Variants in GPHN observed in about 807,000 individuals in gnomAD.
The protein encoded by GPHN is gephyrin.
A neutral mutation model predicts 95.5 loss-of-function variants in GPHN; 17 were observed. That is an observed-to-expected ratio of 0.18 (90% CI 0.12 to 0.27). The LOEUF (loss-of-function observed/expected upper bound fraction) is 0.27. Ranked by LOEUF, GPHN falls within the 10% of genes least tolerant of loss-of-function variation. GPHN has a pLI of 1.00. For missense variants in GPHN, 660 were observed against 978.1 expected (o/e 0.67, Z 4.34); for synonymous variants, 320 against 322.5 (o/e 0.99, Z 0.08).
chr14:67,648,416 G>T, the GPHN span: 1 of 370,948 alleles, frequency 2.7e-6, no homozygotes, highest in East Asian at 4.2e-5. Context: ...GTAAAAAATT[G>T]TATATTTAAA....
At chr14:67,032,131 C>T (rs1036203452) in intron 10 of GPHN, among the ~76,000 whole-genome samples, 11 of 152,192 alleles carry the variant, frequency 7.2e-5, no homozygotes, top group African/African-American at 2.7e-4. Flanking sequence ...TCCAAGTCAG[C>T]ATAGCTTAGC....
intron 1 of GPHN, among the ~76,000 whole-genome samples, chr14:66,579,491 A>T (rs1595061722): frequency 6.6e-6 from 1 of 151,860 alleles, no homozygotes; most frequent in South Asian, 2.1e-4. Context: ...ACACAAATAG[A>T]CTGAAAGTGA....
At chr14:67,621,048 C>T in the GPHN span, 2 of 1,337,856 alleles carry the variant, frequency 1.5e-6, no homozygotes, top group African/African-American at 1.4e-5. Flanking sequence ...CCAGGGACTA[C>T]ACAGCTTTGT....
chr14:67,269,194 A>G, the GPHN span, among the ~76,000 whole-genome samples: 1 of 152,352 alleles, frequency 6.6e-6, no homozygotes, highest in East Asian at 1.9e-4. Context: ...TGTAGCATGT[A>G]TCACTACTTC....
chr14:66,595,162 T>G (rs2140738624), intron 1 of GPHN, among the ~76,000 whole-genome samples: 1 of 152,262 alleles, frequency 6.6e-6, no homozygotes, highest in African/African-American at 2.4e-5. Context: ...TTAGCAAGGT[T>G]ATGGAGAAAA....
At chr14:67,434,618 G>A in the GPHN span, among the ~76,000 whole-genome samples, 1 of 152,264 alleles carries the variant, frequency 6.6e-6, no homozygotes, top group Admixed American at 6.5e-5. Flanking sequence ...CAGACCATGA[G>A]AACATTTGGA....
At chr14:66,796,083 T>C (rs1175482871) in intron 3 of GPHN, among the ~76,000 whole-genome samples, 1 of 152,142 alleles carries the variant, frequency 6.6e-6, no homozygotes, top group Non-Finnish European at 1.5e-5. Context: ...GTGAGAGCAA[T>C]GTTTTTCTTT....
the GPHN span, among the ~76,000 whole-genome samples, chr14:67,614,078 G>T: frequency 6.6e-6 from 1 of 152,044 alleles, no homozygotes; most frequent in Non-Finnish European, 1.5e-5. Flanking sequence ...TGGGTCTACG[G>T]GTACACACCA....
Position 66,916,529 on chromosome 14 carries a change from T to G in GPHN, c.456+460T>G, listed in dbSNP as rs568204939. Among the ~76,000 whole-genome samples, 324 of 151,658 alleles carry G rather than the reference T, an allele frequency of 2.1e-3. 4 individuals carry two copies. Among genetic ancestry groups the G allele is most frequent in the African/African-American group, 7.4e-3 (304 of 41,332 alleles). ...TTTTTTTTTTGTTTTGTTTTGTTTT[T>G]TTTGCAGTTCATTATATTTTGCCCA... is the stretch of plus-strand genomic sequence containing the variant. On this transcript the variant is annotated intron_variant, in intron 6 of 22. Transcript: ENST00000478722.
chr14:66,852,499 G>A (rs2062630205), intron 4 of GPHN, among the ~76,000 whole-genome samples: 1 of 152,204 alleles, frequency 6.6e-6, no homozygotes, highest in South Asian at 2.1e-4. Flanking sequence ...TGAATAAGAA[G>A]AAAAGTGTCT....
At chr14:66,843,172 C>T (rs1473806758) in intron 4 of GPHN, among the ~76,000 whole-genome samples, 1 of 152,110 alleles carries the variant, frequency 6.6e-6, no homozygotes, top group African/African-American at 2.4e-5. Flanking sequence ...CACTCATCTG[C>T]TGAATGATTT....
At position 67,015,965 on chromosome 14, in the gene GPHN, AAC is replaced by A. The variant is rs1323735100; in HGVS notation, c.964-7666_964-7665del. ...TGAGGATTTAATAACTTTTTTAAGCAACAGTGTTCCTTTTTTGTTTCTTGTTT... is the reference window on the plus strand; with the variant it reads ...TGAGGATTTAATAACTTTTTTAAGCAAGTGTTCCTTTTTTGTTTCTTGTTT... On this transcript the variant is annotated intron_variant, in intron 9 of 22. Coordinates refer to ENST00000478722, the MANE Select transcript of GPHN (RefSeq NM_020806.5). Among the ~76,000 whole-genome samples the A allele has an allele frequency of 1.1e-4, 16 of 152,318 alleles. No individual in the cohort carries two copies. The East Asian group carries it at 2.9e-3, about 28-fold the overall frequency.
At chr14:66,569,674 T>A (rs953716077) in intron 1 of GPHN, among the ~76,000 whole-genome samples, 1 of 151,368 alleles carries the variant, frequency 6.6e-6, no homozygotes, top group Non-Finnish European at 1.5e-5. Context: ...AAAAAAAAAA[T>A]TAAATTTTTG....
Position 66,773,215 on chromosome 14 carries a change from T to G in GPHN, c.144-3249T>G, listed in dbSNP as rs144222546. ...AAAGATGGCAGGTAATAAGTTCTTT[T>G]GCGTGCTTTTCACAGGCTGAAGGCT... is the stretch of plus-strand genomic sequence containing the variant. On this transcript the variant is annotated intron_variant, in intron 2 of 22. Transcript: ENST00000478722. 7.4e-4 allele frequency among the ~76,000 whole-genome samples: 112 copies of G among 152,330 alleles called. No individual in the cohort carries two copies. The East Asian group carries it at 0.019, about 26-fold the overall frequency.
chr14:67,442,863 A>G, the GPHN span, among the ~76,000 whole-genome samples: 1 of 152,178 alleles, frequency 6.6e-6, no homozygotes, highest in Non-Finnish European at 1.5e-5. Context: ...CAGCCTCCCA[A>G]AGGGAAGATT....
the GPHN span, among the ~76,000 whole-genome samples, chr14:67,435,783 C>A: frequency 6.6e-6 from 1 of 152,330 alleles, no homozygotes; most frequent in South Asian, 2.1e-4. Context: ...CCAAGGCCTC[C>A]CATCCCATAA....
At chr14:67,703,557 AC>A in the GPHN span, among the ~76,000 whole-genome samples, 1 of 152,246 alleles carries the variant, frequency 6.6e-6, no homozygotes, top group African/African-American at 2.4e-5. Context: ...AGACGATCCT[AC>A]ATGTTAACTC....
At chr14:67,433,176 G>A in the GPHN span, among the ~76,000 whole-genome samples, 1 of 152,202 alleles carries the variant, frequency 6.6e-6, no homozygotes, top group Non-Finnish European at 1.5e-5. Context: ...AGGGAACAAG[G>A]CACACAGAGG....
chr14:67,282,999 C>T, the GPHN span, among the ~76,000 whole-genome samples: 1 of 152,038 alleles, frequency 6.6e-6, no homozygotes, highest in East Asian at 1.9e-4. Context: ...TGCCATCTAT[C>T]ATATATGTGA....
Sources: gnomAD v4.1 joint callset for allele counts (sites outside exome capture counted in the v4.1 genomes callset) on GRCh38, gnomAD v4.1.1 for gene constraint, MANE v1.5 for transcripts, NCBI Gene and HGNC (gene_info 2026-07-23, HGNC 2026-07-21) for gene names.